The following DLGAP1 variants were observed in gnomAD, a reference collection of about 807,000 sequenced individuals.
The protein encoded by DLGAP1 is disks large-associated protein 1.
Under a neutral mutation model 90.8 loss-of-function variants are expected in DLGAP1, and 11 were observed. The ratio of observed to expected loss-of-function variants is 0.12; its 90% CI spans 0.08 to 0.20. The LOEUF (loss-of-function observed/expected upper bound fraction) is 0.20, where lower values mean the gene tolerates loss of function less well. Among genes scored for constraint, DLGAP1 ranks in the 10% least tolerant of loss-of-function variants. The probability of loss-of-function intolerance (pLI) is 1.00; values close to 1 mark genes in which losing one functional copy is unlikely to be tolerated. For synonymous variants in DLGAP1, 558 were observed against 540.7 expected, an observed-to-expected ratio of 1.03 and a Z score of -0.44; for missense variants, 1,050 against 1,333.8, an observed-to-expected ratio of 0.79 and a Z score of 3.31.
At chr18:4,185,462 T>C (rs1163558132) in intron 1 of DLGAP1, among the ~76,000 whole-genome samples, 2 of 152,212 alleles carry the variant, frequency 1.3e-5, no homozygotes, top group East Asian at 3.9e-4. Flanking sequence ...TCTGTATTTA[T>C]CCATGTGTTT....
chr18:4,385,744 A>G (rs985962823), intron 1 of DLGAP1, among the ~76,000 whole-genome samples: 3 of 152,150 alleles, frequency 2.0e-5, no homozygotes, highest in Admixed American at 6.5e-5. Context: ...AATATAATAC[A>G]TTGGAAAGTA....
intron 11 of DLGAP1, among the ~76,000 whole-genome samples, chr18:3,507,021 T>C (rs1428174360): frequency 6.6e-6 from 1 of 152,050 alleles, no homozygotes; most frequent in African/African-American, 2.4e-5. Context: ...TAAACGTGTG[T>C]GTATGGGGCA....
chr18:4,015,195 A>G (rs1441223441), intron 2 of DLGAP1, among the ~76,000 whole-genome samples: 1 of 152,174 alleles, frequency 6.6e-6, no homozygotes, highest in Non-Finnish European at 1.5e-5. Context: ...AATGGTGTGT[A>G]TAACTTCAGA....
chr18:4,124,276 G>C (rs1172934447), intron 2 of DLGAP1, among the ~76,000 whole-genome samples: 1 of 152,144 alleles, frequency 6.6e-6, no homozygotes, highest in African/African-American at 2.4e-5. Flanking sequence ...ACCCTAGAAG[G>C]ATGGAGGTGG....
intron 1 of DLGAP1, among the ~76,000 whole-genome samples, chr18:4,205,345 A>C (rs2077700685): frequency 6.6e-6 from 1 of 152,154 alleles, no homozygotes; most frequent in Admixed American, 6.5e-5. Flanking sequence ...TATGGCACTA[A>C]GTGGATGGGA....
chr18:4,111,919 TTTG>T (rs1324153359), intron 2 of DLGAP1, among the ~76,000 whole-genome samples: 5 of 151,184 alleles, frequency 3.3e-5, no homozygotes, highest in African/African-American at 1.2e-4. Context: ...CTCTTTTGTT[TTTG>T]TTTTTTATTT....
chr18:4,299,670 C>T (rs572502093), intron 1 of DLGAP1, among the ~76,000 whole-genome samples: 26 of 151,582 alleles, frequency 1.7e-4, no homozygotes, highest in Non-Finnish European at 3.1e-4. Flanking sequence ...CTGTATTCCT[C>T]CCTGCAAGAT....
At chr18:4,187,691 A>C (rs575060827) in intron 1 of DLGAP1, among the ~76,000 whole-genome samples, 2 of 152,250 alleles carry the variant, frequency 1.3e-5, no homozygotes, top group South Asian at 4.1e-4. Flanking sequence ...GTGGGTTGTT[A>C]AATAATATTT....
At chr18:4,232,024 T>C (rs539989774) in intron 1 of DLGAP1, among the ~76,000 whole-genome samples, 15 of 152,286 alleles carry the variant, frequency 9.8e-5, no homozygotes, top group South Asian at 4.1e-4. Context: ...ATAATAACTA[T>C]TTCATAATTA....
intron 10 of DLGAP1, 66 bp from the exon 11 acceptor site, chr18:3,508,727 A>G: frequency 7.5e-7 from 1 of 1,329,606 alleles, no homozygotes; most frequent in Non-Finnish European, 1.1e-6. Flanking sequence ...AGTCTGGTAA[A>G]GCAAAGAGGA....
At chr18:3,726,441 T>C (rs1336478633) in intron 7 of DLGAP1, among the ~76,000 whole-genome samples, 1 of 146,276 alleles carries the variant, frequency 6.8e-6, no homozygotes, top group Admixed American at 7.0e-5. Flanking sequence ...AATGCGTGTG[T>C]GGGGTGTGTG....
chr18:3,893,809 G>T lies in DLGAP1; in HGVS notation c.-72-13669C>A, dbSNP rs950173349. On this transcript the variant is annotated intron_variant, in intron 3 of 12. Transcript: ENST00000315677. The stretch of plus-strand genomic sequence containing the variant: ...AACTCTCCATATGTTTTTCATAGAG[G>T]TTATACTAATTTACATTCCCACCAA... Among the ~76,000 whole-genome samples the T allele has an allele frequency of 4.6e-5, 7 of 151,848 alleles. No individual in the cohort carries two copies. In the East Asian group the frequency reaches 1.2e-3, roughly 25 times the overall value.
intron 2 of DLGAP1, among the ~76,000 whole-genome samples, chr18:4,036,715 T>C (rs536068607): frequency 5.1e-4 from 77 of 152,314 alleles, no homozygotes; most frequent in African/African-American, 1.9e-3. Context: ...CTGTGTACCA[T>C]TCAATCATTA....
intron 5 of DLGAP1, among the ~76,000 whole-genome samples, chr18:3,791,799 C>G (rs1690301573): frequency 6.6e-6 from 1 of 152,150 alleles, no homozygotes; most frequent in South Asian, 2.1e-4. Flanking sequence ...GTGGTCTCAC[C>G]TACTCGGGAG....
At chr18:3,901,123 A>C (rs1349162556) in intron 3 of DLGAP1, among the ~76,000 whole-genome samples, 5 of 151,918 alleles carry the variant, frequency 3.3e-5, no homozygotes, top group Admixed American at 3.3e-4. Flanking sequence ...GGCTGCAACC[A>C]CCAAACGACT....
intron 1 of DLGAP1, among the ~76,000 whole-genome samples, chr18:4,169,743 T>C (rs931208229): frequency 3.3e-5 from 5 of 152,250 alleles, no homozygotes; most frequent in African/African-American, 1.2e-4. Flanking sequence ...CACACGTGCA[T>C]GGGCAGAGCA....
chr18:4,154,219 C>A (rs1435743590), intron 1 of DLGAP1, among the ~76,000 whole-genome samples: 2 of 150,634 alleles, frequency 1.3e-5, no homozygotes, highest in East Asian at 1.9e-4. Flanking sequence ...CACCACCACA[C>A]CCGGCTATTT....
At chr18:4,216,349 A>G (rs2077956134) in intron 1 of DLGAP1, among the ~76,000 whole-genome samples, 1 of 151,836 alleles carries the variant, frequency 6.6e-6, no homozygotes, top group African/African-American at 2.4e-5. Flanking sequence ...CTACAATTCA[A>G]TGAGACTTGG....
chr18:4,029,958 T>C (rs548333133), intron 2 of DLGAP1, among the ~76,000 whole-genome samples: 74 of 152,322 alleles, frequency 4.9e-4, no homozygotes, highest in African/African-American at 1.7e-3. Flanking sequence ...ATTTATTGCC[T>C]TTCTCCTCCC....
Sources: allele counts gnomAD v4.1 joint callset (sites outside exome capture counted in the v4.1 genomes callset), GRCh38; gene constraint gnomAD v4.1.1; transcripts MANE v1.5; gene names NCBI Gene and HGNC (gene_info 2026-07-23, HGNC 2026-07-21).